Variants in CDH18 observed in about 807,000 individuals in gnomAD.
The protein encoded by CDH18 is cadherin-18.
Under a neutral mutation model 67.9 loss-of-function variants are expected in CDH18, and 31 were observed. The ratio of observed to expected loss-of-function variants is 0.46; its 90% confidence interval spans 0.34 to 0.62. CDH18 has a LOEUF of 0.62. Ranked by LOEUF, CDH18 falls within the 20% of genes least tolerant of loss-of-function variation. CDH18 has a pLI of 0.01. For missense variants in CDH18, 890 were observed against 975.5 expected, an observed-to-expected ratio of 0.91 and a Z score of 1.17; for synonymous variants, 362 against 347.2, an observed-to-expected ratio of 1.04 and a Z score of -0.48.
chr5:19,559,927 A>AAAAAAC (rs1739142582), intron 8 of CDH18, among the ~76,000 whole-genome samples: 1 of 151,182 alleles, frequency 6.6e-6, no homozygotes. Flanking sequence ...AAAACAAACA[A>AAAAAAC]AAAAAAAACT....
At chr5:20,454,751 G>C (rs554770340) in intron 1 of CDH18, among the ~76,000 whole-genome samples, 4 of 152,132 alleles carry the variant, frequency 2.6e-5, no homozygotes, top group African/African-American at 9.6e-5. Flanking sequence ...TCCTCCTTCT[G>C]TGTGCACACA....
At chr5:20,419,542 C>A in intron 1 of CDH18, among the ~76,000 whole-genome samples, 1 of 136,064 alleles carries the variant, frequency 7.3e-6, no homozygotes, top group South Asian at 2.4e-4. Context: ...GTGGCAAGAT[C>A]TCGGCTCACT....
chr5:20,383,373 A>T (rs1367772307), intron 1 of CDH18, among the ~76,000 whole-genome samples: 1 of 152,194 alleles, frequency 6.6e-6, no homozygotes, highest in Non-Finnish European at 1.5e-5. Flanking sequence ...GGGAAAACAT[A>T]CTGAACATAC....
At chr5:19,755,431 G>GTATATATATATA (rs1256145011) in intron 3 of CDH18, among the ~76,000 whole-genome samples, 1 of 77,344 alleles carries the variant, frequency 1.3e-5, no homozygotes, top group Middle Eastern at 0.012. Context: ...AACAGGGTAT[G>GTATATATATATA]TATATATATA....
chr5:19,854,418 A>G (rs984435120), intron 2 of CDH18, among the ~76,000 whole-genome samples: 2 of 152,178 alleles, frequency 1.3e-5, no homozygotes, highest in African/African-American at 2.4e-5. Context: ...AATCTGATCT[A>G]CAGATTGCTA....
At chr5:20,544,074 G>A (rs1651446) in intron 1 of CDH18, among the ~76,000 whole-genome samples, 66,899 of 151,836 alleles carry the variant, frequency 0.44, 15,139 homozygotes, top group East Asian at 0.57. Flanking sequence ...AAGATTAACT[G>A]TGTGCAAAAC....
chr5:19,667,039 T>A (rs1219707043), intron 5 of CDH18, among the ~76,000 whole-genome samples: 1 of 152,010 alleles, frequency 6.6e-6, no homozygotes, highest in Non-Finnish European at 1.5e-5. Context: ...ATAATCTCAA[T>A]AAAGTTTTTA....
In CDH18 at chr5:19,640,093, A is replaced by T. The variant is rs75609547; in HGVS notation, c.644-27492T>A. Among the ~76,000 whole-genome samples, 957 of 152,316 alleles carry T rather than the reference A, an allele frequency of 6.3e-3. 9 individuals carry two copies. The highest frequency in any genetic ancestry group is 0.022 in the African/African-American group (917 of 41,568). ...AATTGAGGTAGTTTATCACTACTAG[A>T]TCTGTCTTATGAGAAATGCTTCAGG... On this transcript the variant is annotated intron_variant, in intron 5 of 12. Coordinates refer to ENST00000382275, the MANE Select transcript of CDH18 (RefSeq NM_004934.5).
At chr5:20,321,996 C>G (rs1738077109) in intron 1 of CDH18, among the ~76,000 whole-genome samples, 1 of 151,668 alleles carries the variant, frequency 6.6e-6, no homozygotes, top group Non-Finnish European at 1.5e-5. Flanking sequence ...TTCATTTTAC[C>G]CAAGCATAAA....
chr5:20,443,214 A>AAAAAAAAAAAG, intron 1 of CDH18, among the ~76,000 whole-genome samples: 1 of 144,082 alleles, frequency 6.9e-6, no homozygotes, highest in Admixed American at 6.7e-5. Flanking sequence ...CGTCACAAAA[A>AAAAAAAAAAAG]AAAAAAAAAA....
At chr5:19,579,070 T>G (rs181718886) in intron 7 of CDH18, among the ~76,000 whole-genome samples, 263 of 152,134 alleles carry the variant, frequency 1.7e-3, no homozygotes, top group African/African-American at 5.9e-3. Context: ...CAGAGAATGA[T>G]TTATTAAATC....
intron 2 of CDH18, among the ~76,000 whole-genome samples, chr5:20,063,705 A>G (rs1001044313): frequency 5.9e-5 from 9 of 152,308 alleles, no homozygotes; most frequent in African/African-American, 2.2e-4. Context: ...TCTTGAGGCC[A>G]TACACTAAAC....
intron 1 of CDH18, among the ~76,000 whole-genome samples, chr5:20,416,460 A>G (rs757292156): frequency 2.1e-4 from 32 of 152,168 alleles, no homozygotes; most frequent in African/African-American, 7.2e-5. Context: ...TACAGAAAAA[A>G]GTAAGTTTAA....
intron 3 of CDH18, among the ~76,000 whole-genome samples, chr5:19,797,900 A>G (rs1777028557): frequency 6.6e-6 from 1 of 152,094 alleles, no homozygotes; most frequent in Non-Finnish European, 1.5e-5. Context: ...GAAAATCATA[A>G]GAATTACTCT....
chr5:19,641,127 C>T (rs1483004618), intron 5 of CDH18, among the ~76,000 whole-genome samples: 10 of 135,756 alleles, frequency 7.4e-5, no homozygotes, highest in East Asian at 2.1e-4. Context: ...TACAACTTAC[C>T]GAATCTAAAT....
intron 1 of CDH18, among the ~76,000 whole-genome samples, chr5:20,362,124 A>G (rs1291209105): frequency 6.6e-6 from 1 of 152,182 alleles, no homozygotes; most frequent in Non-Finnish European, 1.5e-5. Flanking sequence ...TAATTTAGTC[A>G]GGCAGGAATC....
At chr5:19,593,152 T>A (rs1380676736) in intron 6 of CDH18, among the ~76,000 whole-genome samples, 1 of 152,126 alleles carries the variant, frequency 6.6e-6, no homozygotes, top group Non-Finnish European at 1.5e-5. Flanking sequence ...TTATTTGTAA[T>A]CCTGATTTCG....
At chr5:19,724,286 A>G (rs1581067696) in intron 4 of CDH18, among the ~76,000 whole-genome samples, 1 of 152,298 alleles carries the variant, frequency 6.6e-6, no homozygotes. Flanking sequence ...CTATGATTCC[A>G]TTTATATAGC....
intron 1 of CDH18, among the ~76,000 whole-genome samples, chr5:20,507,349 G>A (rs921122974): frequency 6.6e-6 from 1 of 152,138 alleles, no homozygotes; most frequent in Non-Finnish European, 1.5e-5. Context: ...CAATTGTCAC[G>A]CAGGAGCTCA....
Sources: allele counts gnomAD v4.1 joint callset (sites outside exome capture counted in the v4.1 genomes callset), GRCh38; gene constraint gnomAD v4.1.1; transcripts MANE v1.5; gene names NCBI Gene and HGNC (gene_info 2026-07-23, HGNC 2026-07-21).